The following ABCA13 variants were observed in gnomAD, a reference collection of about 807,000 sequenced individuals.
ABCA13 encodes the protein ATP binding cassette subfamily A member 13, also known as ATP-binding cassette sub-family A member 13.
A neutral mutation model predicts 478.7 loss-of-function variants in ABCA13; 476 were observed. The ratio of observed to expected loss-of-function variants is 0.99; its 90% confidence interval spans 0.92 to 1.07. The LOEUF (loss-of-function observed/expected upper bound fraction) is 1.07. Among genes scored for constraint, ABCA13 ranks in the 50% least tolerant of loss-of-function variants. ABCA13 has a pLI of 0.00. For synonymous variants in ABCA13, 2,252 were observed against 2,158.9 expected, an observed-to-expected ratio of 1.04 and a Z score of -1.20; for missense variants, 6,060 against 5,910.6, an observed-to-expected ratio of 1.03 and a Z score of -0.83.
chr7:48,496,701 CT>C (rs1278436833), intron 48 of ABCA13, among the ~76,000 whole-genome samples: 1 of 152,046 alleles, frequency 6.6e-6, no homozygotes, highest in East Asian at 1.9e-4. Context: ...GATATTTTCA[CT>C]GAATATAGAA....
At chr7:48,521,025 G>T (rs1298563740) in intron 53 of ABCA13, among the ~76,000 whole-genome samples, 1 of 151,034 alleles carries the variant, frequency 6.6e-6, no homozygotes, top group Non-Finnish European at 1.5e-5. Context: ...TGGGGCATGT[G>T]TAGACATGTA....
chr7:48,214,682 C>G (rs1306762430), intron 3 of ABCA13, among the ~76,000 whole-genome samples: 1 of 152,300 alleles, frequency 6.6e-6, no homozygotes, highest in African/African-American at 2.4e-5. Context: ...ATGAACCAAC[C>G]TCTGCTAACT....
chr7:48,434,053 G>C (rs1284165741), intron 42 of ABCA13, among the ~76,000 whole-genome samples: 1 of 151,910 alleles, frequency 6.6e-6, no homozygotes, highest in Non-Finnish European at 1.5e-5. Flanking sequence ...GGAATTACTG[G>C]ATCCTATGGT....
chr7:48,410,389 A>G lies in ABCA13; in HGVS notation c.12071-131A>G, dbSNP rs73694617. 4,918 of 1,198,692 alleles carry G rather than the reference A, an allele frequency of 4.1e-3. 111 individuals are homozygous for G. The African/African-American group carries it at 0.057, about 14-fold the overall frequency. 74.3% of individuals were successfully genotyped at this position (1,198,692 alleles called of 1,614,324 possible). A position where few individuals can be genotyped will look rare whatever the true frequency, so the allele number is the denominator to read the frequency against. On this transcript the variant is annotated intron_variant, in intron 39 of 61. Coordinates refer to ENST00000435803, the MANE Select transcript of ABCA13 (RefSeq NM_152701.5). ...GGCAAAGTGGCCAGGACGCATTTCA[A>G]TTTTTTTCAGTTTGAAAATTGGTGA... is the stretch of plus-strand genomic sequence containing the variant.
chr7:48,382,697 C>A (rs1814580093), intron 35 of ABCA13, among the ~76,000 whole-genome samples: 3 of 151,906 alleles, frequency 2.0e-5, no homozygotes, highest in Admixed American at 2.0e-4. Flanking sequence ...GTTGAAGGGC[C>A]TGCTTTTGTT....
chr7:48,476,041 G>C (rs1329234726), intron 45 of ABCA13, among the ~76,000 whole-genome samples: 1 of 152,170 alleles, frequency 6.6e-6, no homozygotes, highest in Non-Finnish European at 1.5e-5. Flanking sequence ...TTGTCGCTGA[G>C]ATAATAAATT....
chr7:48,211,825 A>C lies in ABCA13; in HGVS notation c.288-7529A>C, dbSNP rs182822132. ...TGGTACTTTATTTTACAGTGGCTGAACTGGTATCCAGCTTGCCAGACCAAG... is the reference window on the plus strand; with the variant it reads ...TGGTACTTTATTTTACAGTGGCTGACCTGGTATCCAGCTTGCCAGACCAAG... On this transcript the variant is annotated intron_variant, in intron 3 of 61. Coordinates refer to ENST00000435803, the MANE Select transcript of ABCA13 (RefSeq NM_152701.5). 1.1e-4 allele frequency among the ~76,000 whole-genome samples: 16 copies of C among 152,004 alleles called. No individual in the cohort carries two copies. The East Asian group carries it at 2.3e-3, about 22-fold the overall frequency.
intron 26 of ABCA13, among the ~76,000 whole-genome samples, chr7:48,316,424 A>G (rs776887370): frequency 6.6e-6 from 1 of 152,156 alleles, no homozygotes; most frequent in Non-Finnish European, 1.5e-5. Flanking sequence ...TGTCCATGTC[A>G]TTATTTAATA....
In ABCA13 at chr7:48,274,524, A is replaced by G; in HGVS notation, c.4858A>G (p.Ile1620Val). ...HDLQNSPKII[I>V]SPEIMKATGL... Reference sequence around the variant, plus strand: ...CCTCCAAAATTCACCAAAAATAATAATTTCACCTGAAATAATGAAAGCTAC... The same window carrying G: ...CCTCCAAAATTCACCAAAAATAATAGTTTCACCTGAAATAATGAAAGCTAC... Residue 1620 changes from isoleucine to valine, a missense_variant, in exon 17 of 62, where the codon ATT becomes GTT. Ile to Val is a conservative substitution (Grantham distance 29). Transcript: ENST00000435803. 6.2e-7 allele frequency: 1 copy of G among 1,613,850 alleles called. No homozygotes were observed. The highest frequency in any genetic ancestry group is 2.2e-5 in the East Asian group (1 of 44,872).
At chr7:48,319,295 C>CT (rs1241995600) in intron 27 of ABCA13, among the ~76,000 whole-genome samples, 7 of 152,142 alleles carry the variant, frequency 4.6e-5, no homozygotes, top group African/African-American at 9.7e-5. Context: ...GAGCTGATGT[C>CT]TTTTTTACTT....
chr7:48,359,295 C>T (rs970643945), intron 31 of ABCA13, among the ~76,000 whole-genome samples: 15 of 151,950 alleles, frequency 9.9e-5, no homozygotes, highest in African/African-American at 3.6e-4. Flanking sequence ...GGTCAATCTG[C>T]ATGACTCTGG....
intron 51 of ABCA13, among the ~76,000 whole-genome samples, chr7:48,513,393 A>G (rs1405558124): frequency 6.6e-6 from 1 of 152,220 alleles, no homozygotes; most frequent in Non-Finnish European, 1.5e-5. Context: ...TTTGTTATTT[A>G]AACTATAAAA....
At chr7:48,525,389 A>C (rs1832820244) in intron 54 of ABCA13, among the ~76,000 whole-genome samples, 1 of 152,082 alleles carries the variant, frequency 6.6e-6, no homozygotes, top group Non-Finnish European at 1.5e-5. Flanking sequence ...TAGTAGTTTG[A>C]GGCAAAGGGG....
chr7:48,203,987 G>A (rs1249975203), intron 3 of ABCA13, among the ~76,000 whole-genome samples: 1 of 152,024 alleles, frequency 6.6e-6, no homozygotes, highest in East Asian at 1.9e-4. Context: ...GACCCCCTGA[G>A]AATCATCTGA....
intron 59 of ABCA13, among the ~76,000 whole-genome samples, chr7:48,619,939 G>A (rs545803811): frequency 6.6e-6 from 1 of 152,148 alleles, no homozygotes; most frequent in Non-Finnish European, 1.5e-5. Context: ...TTTTTCATGC[G>A]TTATGGGCTA....
chr7:48,434,207 A>G (rs1822524553), intron 42 of ABCA13, among the ~76,000 whole-genome samples: 1 of 151,860 alleles, frequency 6.6e-6, no homozygotes, highest in African/African-American at 2.4e-5. Flanking sequence ...TAATCATCCT[A>G]ATGGGTGTGA....
chr7:48,287,920 AC>A (rs755685166), intron 19 of ABCA13, 39 bp from the exon 20 acceptor site: 1 of 1,501,060 alleles, frequency 6.7e-7, no homozygotes, highest in Non-Finnish European at 9.3e-7. Context: ...TCAGGAGAGG[AC>A]TGTCTATTAA....
At chr7:48,198,717 C>A (rs567497571) in intron 3 of ABCA13, among the ~76,000 whole-genome samples, 1 of 152,336 alleles carries the variant, frequency 6.6e-6, no homozygotes, top group South Asian at 2.1e-4. Flanking sequence ...ATTTTTTGAG[C>A]TACCTACTGG....
intron 3 of ABCA13, among the ~76,000 whole-genome samples, chr7:48,212,726 A>C (rs984233219): frequency 1.3e-5 from 2 of 152,046 alleles, no homozygotes; most frequent in Non-Finnish European, 2.9e-5. Flanking sequence ...TGGCCATTTC[A>C]ATATTTTTTG....
Sources: gnomAD v4.1 joint callset for allele counts (sites outside exome capture counted in the v4.1 genomes callset) on GRCh38, gnomAD v4.1.1 for gene constraint, MANE v1.5 for transcripts, NCBI Gene and HGNC (gene_info 2026-07-23, HGNC 2026-07-21) for gene names.